Variants in LRRC20 observed in about 807,000 individuals in gnomAD.
LRRC20 encodes the protein leucine rich repeat containing 20, also known as leucine-rich repeat-containing protein 20.
Under a neutral mutation model 14.4 loss-of-function variants are expected in LRRC20, and 11 were observed. That is an observed-to-expected ratio of 0.77 (90% CI 0.48 to 1.27). The LOEUF (loss-of-function observed/expected upper bound fraction) is 1.27, where lower values mean the gene tolerates loss of function less well. Ranked by LOEUF, LRRC20 falls within the 50% of genes most tolerant of loss-of-function variation. The pLI, the probability that LRRC20 is intolerant of heterozygous loss-of-function variation, is 0.00. For synonymous variants in LRRC20, 121 were observed against 107.3 expected (o/e 1.13, Z -0.79); for missense variants, 219 against 251.2 (o/e 0.87, Z 0.87).
rs375434135 is a variant in LRRC20 at position 70,305,171 on chromosome 10, C to T, written c.401-3663G>A. On this transcript the variant is annotated intron_variant, in intron 4 of 4. Coordinates refer to ENST00000446961, the MANE Select transcript of LRRC20 (RefSeq NM_001278212.2). ...TGCACTCCAGCCTGGGCAACAAGAG[C>T]GAAACTCTATCTAAATAAATAAATA... Among the ~76,000 whole-genome samples the T allele has an allele frequency of 3.3e-4, 50 of 152,196 alleles. No individual in the cohort carries two copies. The South Asian group carries it at 5.2e-3, about 16-fold the overall frequency.
intron 2 of LRRC20, among the ~76,000 whole-genome samples, chr10:70,361,129 C>A (rs1843705231): frequency 6.6e-6 from 1 of 151,950 alleles, no homozygotes; most frequent in South Asian, 2.1e-4. Flanking sequence ...CAAATCTCAG[C>A]ACAAGATTTT....
chr10:70,335,346 A>G (rs2136997241), intron 3 of LRRC20, among the ~76,000 whole-genome samples: 1 of 152,256 alleles, frequency 6.6e-6, no homozygotes, highest in South Asian at 2.1e-4. Context: ...GTCTCCATGG[A>G]GGCCCCAGGC....
At chr10:70,324,555 C>T (rs1044278102) in intron 3 of LRRC20, among the ~76,000 whole-genome samples, 2 of 152,218 alleles carry the variant, frequency 1.3e-5, no homozygotes, top group Non-Finnish European at 2.9e-5. Context: ...GTTCCTGCTC[C>T]GAGAGCAGCT....
chr10:70,344,008 G>A (rs1008967514), intron 2 of LRRC20, among the ~76,000 whole-genome samples: 1 of 152,136 alleles, frequency 6.6e-6, no homozygotes, highest in Non-Finnish European at 1.5e-5. Context: ...AGACTAGCCT[G>A]GGCAACATAG....
At chr10:70,355,696 T>A (rs1843492340) in intron 2 of LRRC20, among the ~76,000 whole-genome samples, 1 of 152,134 alleles carries the variant, frequency 6.6e-6, no homozygotes, top group Non-Finnish European at 1.5e-5. Flanking sequence ...ATATCTCCAG[T>A]TTAAAGAAAG....
intron 3 of LRRC20, 50 bp from the exon 4 acceptor site, chr10:70,324,080 C>A (rs759595028): frequency 2.8e-5 from 44 of 1,574,890 alleles, no homozygotes; most frequent in Non-Finnish European, 3.6e-5. Context: ...GGGGCCACCC[C>A]GAGACCACAG....
At position 70,301,455 on chromosome 10, in the gene LRRC20, G is replaced by A. The variant is rs147472176; in HGVS notation, c.454C>T (p.Arg152Cys). The change falls in exon 5 of 5, where the codon CGC becomes TGC. Residue 152 changes from arginine (R) to cysteine (C), a missense_variant. Arg to Cys is a radical substitution (Grantham distance 180). Coordinates refer to ENST00000446961, the MANE Select transcript of LRRC20 (RefSeq NM_001278212.2). Reference sequence around the variant, plus strand: ...ACCTCGGCGTTGAGTGGGTTGAAGCGGAGGTTGATGCTGCGCAAGGCTGGC... The same window carrying A: ...ACCTCGGCGTTGAGTGGGTTGAAGCAGAGGTTGATGCTGCGCAAGGCTGGC... ...AMPALRSINL[R>C]FNPLNAEVRV... 1.1e-4 allele frequency: 172 copies of A among 1,614,084 alleles called. No homozygotes were observed. Among genetic ancestry groups the A allele is most frequent in the East Asian group, 1.0e-3 (46 of 44,888 alleles).
At chr10:70,382,220 G>A (rs1005765189) in intron 1 of LRRC20, among the ~76,000 whole-genome samples, 1 of 152,220 alleles carries the variant, frequency 6.6e-6, no homozygotes, top group East Asian at 1.9e-4. Flanking sequence ...CGCCTCCCGC[G>A]AGGAATGGAG....
At chr10:70,326,330 A>ACACGCACG (rs1554838459) in intron 3 of LRRC20, among the ~76,000 whole-genome samples, 2 of 150,964 alleles carry the variant, frequency 1.3e-5, no homozygotes, top group African/African-American at 4.9e-5. Context: ...ACACACACAC[A>ACACGCACG]CACGCACGCG....
rs917360282 is a variant in LRRC20 at position 70,300,333 on chromosome 10, T to C, written c.*1021A>G. ...TGTCCTGGGAAACCAGGACAGCTGG[T>C]CACCCTGTTGCCTGACCATACCCTA... is the stretch of plus-strand genomic sequence containing the variant. On this transcript the variant is annotated 3_prime_UTR_variant, in exon 5 of 5. Coordinates refer to ENST00000446961, the MANE Select transcript of LRRC20 (RefSeq NM_001278212.2). 12 of 981,812 alleles carry C rather than the reference T, an allele frequency of 1.2e-5. No individual in the cohort carries two copies. Among genetic ancestry groups the C allele is most frequent in the Non-Finnish European group, 1.5e-5 (12 of 826,754 alleles). The allele number at this position is 981,812 out of a possible 1,614,324, so 60.8% of individuals were successfully genotyped here.
chr10:70,338,018 C>T (rs1353038278), intron 3 of LRRC20, among the ~76,000 whole-genome samples: 3 of 152,226 alleles, frequency 2.0e-5, no homozygotes, highest in African/African-American at 4.8e-5. Flanking sequence ...TCCCAATTGG[C>T]TGAGTACAGC....
At chr10:70,327,183 A>G (rs1185282068) in intron 3 of LRRC20, among the ~76,000 whole-genome samples, 1 of 152,198 alleles carries the variant, frequency 6.6e-6, no homozygotes, top group African/African-American at 2.4e-5. Flanking sequence ...TATCAACTTG[A>G]GTAGGCTAAG....
At chr10:70,334,558 C>T (rs990519824) in intron 3 of LRRC20, among the ~76,000 whole-genome samples, 13 of 152,178 alleles carry the variant, frequency 8.5e-5, no homozygotes, top group African/African-American at 3.1e-4. Flanking sequence ...CCTTCCCACC[C>T]CCAAATACCG....
intron 2 of LRRC20, among the ~76,000 whole-genome samples, chr10:70,374,755 G>A: frequency 6.6e-6 from 1 of 152,186 alleles, no homozygotes; most frequent in East Asian, 1.9e-4. Context: ...GACGTGGCTG[G>A]CTGACACCTG....
intron 2 of LRRC20, among the ~76,000 whole-genome samples, chr10:70,365,461 C>G (rs1843947853): frequency 6.6e-6 from 1 of 152,146 alleles, no homozygotes; most frequent in Non-Finnish European, 1.5e-5. Flanking sequence ...TTGGGTTAGG[C>G]AAAGACTTCT....
rs766501930 is a variant in LRRC20 at position 70,323,978 on chromosome 10, G to A, written c.285C>T (p.Ala95=). ...GGTCAATGGCCTTGAGGTGCTGCAG[G>A]GCACTGACCTCGCTGGGGAGGCGGT... ...FLHRLPSEVS[A]LQHLKAIDLS... Residue 95 remains alanine, a synonymous_variant, in exon 4 of 5, where the codon GCC becomes GCT. Coordinates refer to ENST00000446961, the MANE Select transcript of LRRC20 (RefSeq NM_001278212.2). 1 of 1,613,730 alleles carries A rather than the reference G, an allele frequency of 6.2e-7. No individual in the cohort carries two copies. Among genetic ancestry groups the A allele is most frequent in the Non-Finnish European group, 8.5e-7 (1 of 1,179,616 alleles).
chr10:70,341,506 G>A lies in LRRC20; in HGVS notation c.83-804C>T, dbSNP rs916303865. Reference sequence around the variant, plus strand: ...GAAGTGGCCAGGCGTGGTGGCTCACGCCTGTAATCCCAGCACTTTGGGAGG... The same window carrying A: ...GAAGTGGCCAGGCGTGGTGGCTCACACCTGTAATCCCAGCACTTTGGGAGG... On this transcript the variant is annotated intron_variant, in intron 2 of 4. Transcript: ENST00000446961. Among the ~76,000 whole-genome samples the A allele has an allele frequency of 5.3e-5, 8 of 152,220 alleles. 1 individual carries two copies. Among genetic ancestry groups the A allele is most frequent in the South Asian group, 4.1e-4 (2 of 4,834 alleles).
chr10:70,346,588 A>C (rs1357622427), intron 2 of LRRC20, among the ~76,000 whole-genome samples: 1 of 152,146 alleles, frequency 6.6e-6, no homozygotes, highest in Non-Finnish European at 1.5e-5. Context: ...TGAATCATTC[A>C]TGTTACAGAG....
chr10:70,370,290 C>T (rs936046879), intron 2 of LRRC20, among the ~76,000 whole-genome samples: 1 of 152,162 alleles, frequency 6.6e-6, no homozygotes, highest in East Asian at 1.9e-4. Context: ...AAAGCAATCA[C>T]GACCCCTCCA....
Sources: allele counts gnomAD v4.1 joint callset (sites outside exome capture counted in the v4.1 genomes callset), GRCh38; gene constraint gnomAD v4.1.1; transcripts MANE v1.5; gene names NCBI Gene and HGNC (gene_info 2026-07-23, HGNC 2026-07-21).